Variants in HDAC11 observed in about 807,000 individuals in gnomAD.
HDAC11 encodes the protein histone deacetylase 11.
HDAC11 carries 23 observed loss-of-function variants against 41.1 expected under a neutral mutation model. That is an observed-to-expected ratio of 0.56 (90% confidence interval 0.40 to 0.79). The LOEUF (loss-of-function observed/expected upper bound fraction) is 0.79, where lower values mean the gene tolerates loss of function less well. Ranked by LOEUF, HDAC11 falls within the 30% of genes least tolerant of loss-of-function variation. HDAC11 has a pLI of 0.00. For missense variants in HDAC11, 402 were observed against 477.3 expected, an observed-to-expected ratio of 0.84 and a Z score of 1.47; for synonymous variants, 187 against 186.6, an observed-to-expected ratio of 1.00 and a Z score of -0.02.
At chr3:13,498,469 G>T in intron 4 of HDAC11, 44 bp from the exon 5 acceptor site, 2 of 1,612,684 alleles carry the variant, frequency 1.2e-6, no homozygotes, top group Non-Finnish European at 8.5e-7. Flanking sequence ...AATGACTGGT[G>T]GATCGGCTGC....
chr3:13,483,739 G>A (rs1433275596), intron 3 of HDAC11, among the ~76,000 whole-genome samples, 175 bp downstream of exon 3: 1 of 151,968 alleles, frequency 6.6e-6, no homozygotes, highest in Non-Finnish European at 1.5e-5. Context: ...AAGGAGAGAG[G>A]TCATAAAAAG....
At chr3:13,496,912 A>G in intron 4 of HDAC11, 60 bp downstream of exon 4, 1 of 870,714 alleles carries the variant, frequency 1.1e-6, no homozygotes, top group South Asian at 1.8e-5. Context: ...GGTCCTTCTC[A>G]CCTCCTTTGC....
rs1393129973 is a variant in HDAC11, at chr3:13,504,481, G to A, written c.842G>A (p.Arg281Gln). 13 of 1,613,198 alleles carry A rather than the reference G, an allele frequency of 8.1e-6. No homozygotes were observed. The highest frequency in any genetic ancestry group is 1.7e-5 in the Admixed American group (1 of 60,010). Residue 281 changes from arginine to glutamine, a missense_variant, in exon 10 of 10, where the codon CGG becomes CAG. Arg to Gln is a conservative substitution (Grantham distance 43, BLOSUM62 1). Coordinates refer to ENST00000295757, the MANE Select transcript of HDAC11 (RefSeq NM_024827.4). ...LSISPAGIVK[R>Q]DELVFRMVRG... The stretch of plus-strand genomic sequence containing the variant: ...TTCCCCTAACAGGGCATCGTGAAGC[G>A]GGATGAGCTGGTGTTCCGGATGGTC...
At chr3:13,493,354 C>A (rs1321839480) in intron 3 of HDAC11, among the ~76,000 whole-genome samples, 1 of 152,204 alleles carries the variant, frequency 6.6e-6, no homozygotes, top group Non-Finnish European at 1.5e-5. Context: ...CACTAGTCCG[C>A]CCCACCCACT....
intron 3 of HDAC11, among the ~76,000 whole-genome samples, chr3:13,492,111 G>A (rs1414852031): frequency 1.3e-5 from 2 of 152,250 alleles, no homozygotes; most frequent in Admixed American, 6.5e-5. Context: ...AGTGGGGAGC[G>A]GGCAGAGTGA....
At chr3:13,503,664 C>T (rs1192943201) in intron 8 of HDAC11, among the ~76,000 whole-genome samples, 2 of 152,264 alleles carry the variant, frequency 1.3e-5, no homozygotes, top group Admixed American at 1.3e-4. Flanking sequence ...AAAAACAGGG[C>T]TGCCACCTTT....
chr3:13,481,519 A>ACCCATGCTTCCG, intron 2 of HDAC11, 125 bp downstream of exon 2: 1 of 1,070,598 alleles, frequency 9.3e-7, no homozygotes, highest in Non-Finnish European at 1.4e-6. Context: ...ATGGCCTTCC[A>ACCCATGCTTCCG]CCCATGCTTC....
chr3:13,503,181 C>A (rs1473134919), intron 8 of HDAC11: 6 of 397,096 alleles, frequency 1.5e-5, no homozygotes, highest in Admixed American at 1.3e-4. Context: ...ATAACCCTTA[C>A]AATAAACATG....
rs767432533 is a variant in HDAC11, at chr3:13,504,507, C to T, written c.868C>T (p.Arg290Cys). 6.8e-6 allele frequency: 11 copies of T among 1,613,330 alleles called. No individual in the cohort carries two copies. The highest frequency in any genetic ancestry group is 2.2e-5 in the South Asian group (2 of 91,082). Reference protein sequence around the residue: ...KRDELVFRMVRGRRVPILMVT... With the variant: ...KRDELVFRMVCGRRVPILMVT... ...GGATGAGCTGGTGTTCCGGATGGTC[C>T]GTGGCCGCCGGGTGCCCATCCTTAT... Residue 290 changes from arginine (R) to cysteine (C), a missense_variant, in exon 10 of 10, where the codon CGT (arginine) becomes TGT (cysteine). Physicochemically the swap from Arg to Cys is radical, Grantham distance 180 (BLOSUM62 -3). Transcript: ENST00000295757.
In HDAC11 at chr3:13,502,092, C is replaced by A; in HGVS notation, c.552+159C>A. 1 of 627,180 alleles carries A rather than the reference C, an allele frequency of 1.6e-6. No individual in the cohort carries two copies. Among genetic ancestry groups the A allele is most frequent in the Non-Finnish European group, 2.8e-6 (1 of 358,560 alleles). The allele number at this position is 627,180 out of a possible 1,614,324, so 38.9% of individuals were successfully genotyped here. A position where few individuals can be genotyped will look rare whatever the true frequency, so the allele number is the denominator to read the frequency against. On this transcript the variant is annotated intron_variant, in intron 7 of 9. Coordinates refer to ENST00000295757, the MANE Select transcript of HDAC11 (RefSeq NM_024827.4). The surrounding 1 kb of genome is among the most constrained non-coding windows in gnomAD (Gnocchi z 4.1). ...AAATGCAGGGTCTGTCTTTGTCACT[C>A]TGTCCAGGACAGCGGGTCCTCCTCA...
chr3:13,488,526 C>T (rs938606523), intron 3 of HDAC11, among the ~76,000 whole-genome samples: 1 of 152,136 alleles, frequency 6.6e-6, no homozygotes, highest in African/African-American at 2.4e-5. Flanking sequence ...CAATATGTGA[C>T]CTTTTGTGTC....
chr3:13,480,693 G>A lies in HDAC11; in HGVS notation c.2+344G>A, dbSNP rs1180712845. The stretch of plus-strand genomic sequence containing the variant: ...GCCACTGGGGCGGATTTCTGTCTCT[G>A]GGTGACGACTGCCAGGGTGTGATGG... On this transcript the variant is annotated intron_variant, in intron 1 of 9. Coordinates refer to ENST00000295757, the MANE Select transcript of HDAC11 (RefSeq NM_024827.4). This position sits in a 1 kb window ranked among gnomAD's most constrained non-coding sequence, Gnocchi z 4.6. The A allele has an allele frequency of 1.1e-5, 5 of 465,672 alleles. No individual in the cohort carries two copies. The highest frequency in any genetic ancestry group is 4.4e-6 in the Non-Finnish European group (1 of 228,130). The allele number at this position is 465,672 out of a possible 1,614,324, so 28.8% of individuals were successfully genotyped here.
At position 13,502,798 on chromosome 3, in the gene HDAC11, G is replaced by T; in HGVS notation, c.553-86G>T. The T allele has an allele frequency of 2.0e-6, 2 of 976,160 alleles. No homozygotes were observed. Among genetic ancestry groups the T allele is most frequent in the South Asian group, 2.8e-5 (2 of 72,696 alleles). 60.5% of individuals were successfully genotyped at this position (976,160 alleles called of 1,614,324 possible). A position where few individuals can be genotyped will look rare whatever the true frequency, so the allele number is the denominator to read the frequency against. On this transcript the variant is annotated intron_variant, in intron 7 of 9. Transcript: ENST00000295757. The surrounding 1 kb of genome is among the most constrained non-coding windows in gnomAD (Gnocchi z 4.1). The stretch of plus-strand genomic sequence containing the variant: ...AGGCCGTGCTGCCCTGGCAAATGGG[G>T]AGTTTCCTGAGGGGTGGGTGGGTGG...
At position 13,502,019 on chromosome 3, in the gene HDAC11, C is replaced by A; in HGVS notation, c.552+86C>A. On this transcript the variant is annotated intron_variant, in intron 7 of 9. Transcript: ENST00000295757. The surrounding 1 kb of genome is among the most constrained non-coding windows in gnomAD (Gnocchi z 4.1). ...CCCGGGGCAGGAGAGTCTCCCTCCTCATGTCCCCACGGCTCTCACGGCTTC... is the reference window on the plus strand; with the variant it reads ...CCCGGGGCAGGAGAGTCTCCCTCCTAATGTCCCCACGGCTCTCACGGCTTC... The A allele has an allele frequency of 9.3e-7, 1 of 1,071,064 alleles. No homozygotes were observed. Among genetic ancestry groups the A allele is most frequent in the Non-Finnish European group, 1.4e-6 (1 of 699,140 alleles). 66.3% of individuals were successfully genotyped at this position (1,071,064 alleles called of 1,614,324 possible).
Position 13,506,032 on chromosome 3 carries a change from A to G in HDAC11, c.*1349A>G, listed in dbSNP as rs767341820. 3 of 152,230 alleles carry G rather than the reference A, an allele frequency of 2.0e-5. No individual in the cohort carries two copies. Among genetic ancestry groups the G allele is most frequent in the Non-Finnish European group, 2.9e-5 (2 of 68,080 alleles). The allele number at this position is 152,230 out of a possible 1,614,324, so 9.4% of individuals were successfully genotyped here. A position where few individuals can be genotyped will look rare whatever the true frequency, so the allele number is the denominator to read the frequency against. ...CTCCCACTGTCTCCCGGCCTCCCTA[A>G]TGCTCCCTCTGCTGCAGGGAGAAGG... On this transcript the variant is annotated 3_prime_UTR_variant, in exon 10 of 10. Coordinates refer to ENST00000295757, the MANE Select transcript of HDAC11 (RefSeq NM_024827.4).
Position 13,502,871 on chromosome 3 carries a change from G to A in HDAC11, c.553-13G>A. On this transcript the variant is annotated splice_polypyrimidine_tract_variant and intron_variant, in intron 7 of 9. Transcript: ENST00000295757. The surrounding 1 kb of genome is among the most constrained non-coding windows in gnomAD (Gnocchi z 4.1). The stretch of plus-strand genomic sequence containing the variant: ...GCACCTACCCGAGAGCGGCTACTGT[G>A]ACCTCCCCACAGGGCAATGGGCATG... The A allele has an allele frequency of 6.2e-7, 1 of 1,611,212 alleles. No homozygotes were observed.
chr3:13,485,793 T>A (rs1026701507), intron 3 of HDAC11, among the ~76,000 whole-genome samples: 2 of 151,726 alleles, frequency 1.3e-5, no homozygotes, highest in Non-Finnish European at 2.9e-5. Context: ...TTAAAAAAAA[T>A]AATAAAAGTA....
chr3:13,501,170 CCG>C (rs1224165317), intron 6 of HDAC11, among the ~76,000 whole-genome samples: 16 of 152,304 alleles, frequency 1.1e-4, no homozygotes, highest in African/African-American at 3.8e-4. Context: ...ATGCTCCAAC[CCG>C]CGCTGTGCTC....
intron 3 of HDAC11, among the ~76,000 whole-genome samples, chr3:13,490,579 A>G (rs1701806231): frequency 6.6e-6 from 1 of 151,888 alleles, no homozygotes; most frequent in African/African-American, 2.4e-5. Flanking sequence ...ATTCCCATGC[A>G]TTTTATTCTT....
Sources: gnomAD v4.1 joint callset for allele counts (sites outside exome capture counted in the v4.1 genomes callset) on GRCh38, gnomAD v4.1.1 for gene constraint, Gnocchi (gnomAD v3.1) non-coding constraint, MANE v1.5 for transcripts, NCBI Gene and HGNC (gene_info 2026-07-23, HGNC 2026-07-21) for gene names.